The following USP9X variants were observed in gnomAD, a reference collection of about 807,000 sequenced individuals.
USP9X encodes the protein ubiquitin carboxyl-terminal hydrolase 9X.
A neutral mutation model predicts 190.3 loss-of-function variants in USP9X; 7 were observed. That is an observed-to-expected ratio of 0.04 (90% CI 0.02 to 0.07). The LOEUF is 0.07. USP9X is among the 10% of genes least tolerant of loss of function. USP9X has a pLI of 1.00. For synonymous variants in USP9X, 645 were observed against 659.5 expected (o/e 0.98, Z 0.34); for missense variants, 1,010 against 1,916.9 (o/e 0.53, Z 8.83).
chrX:41,112,369 A>T (rs1401182788), intron 1 of USP9X, among the ~76,000 whole-genome samples: 1 of 112,302 alleles, frequency 8.9e-6, no homozygotes. Flanking sequence ...TTCATGGTAT[A>T]GTTGGAAGAG....
At chrX:41,205,887 C>CTT (rs751427663) in intron 32 of USP9X, among the ~76,000 whole-genome samples, 936 of 87,027 alleles carry the variant, frequency 0.011, 30 homozygotes, top group Admixed American at 0.057. Flanking sequence ...TTTTCTTTTT[C>CTT]TTTTTTTCTT....
chrX:41,125,898 C>T (rs753370872), intron 2 of USP9X, among the ~76,000 whole-genome samples: 9 of 110,863 alleles, frequency 8.1e-5, no homozygotes, highest in Non-Finnish European at 1.3e-4. Flanking sequence ...TTAAAACTTA[C>T]GATGTACAGC....
intron 31 of USP9X, among the ~76,000 whole-genome samples, chrX:41,203,803 T>C (rs2063064831): frequency 9.0e-6 from 1 of 111,213 alleles, no homozygotes; most frequent in Non-Finnish European, 1.9e-5. Context: ...GTTCAAGCGA[T>C]TCTCCTGCCT....
intron 32 of USP9X, among the ~76,000 whole-genome samples, chrX:41,209,218 T>C (rs1159299092): frequency 3.6e-5 from 4 of 112,019 alleles, no homozygotes; most frequent in African/African-American, 9.7e-5. Context: ...TTATAACTTA[T>C]CTCTCTATCC....
intron 14 of USP9X, among the ~76,000 whole-genome samples, chrX:41,156,385 G>T (rs776300207): frequency 1.8e-5 from 2 of 111,779 alleles, no homozygotes; most frequent in Admixed American, 9.5e-5. Flanking sequence ...GGTGGTGTGG[G>T]CTACTGGCAT....
chrX:41,162,025 C>T (rs6610519), intron 14 of USP9X, among the ~76,000 whole-genome samples: 110 of 111,146 alleles, frequency 9.9e-4, no homozygotes, highest in African/African-American at 3.4e-3. Flanking sequence ...GTAGTTTGGT[C>T]GTAATATATG....
At chrX:41,092,724 A>C (rs1050426701) in intron 1 of USP9X, among the ~76,000 whole-genome samples, 13 of 111,272 alleles carry the variant, frequency 1.2e-4, no homozygotes, top group African/African-American at 3.9e-4. Context: ...GTAATACAGT[A>C]TTTTGCTTTA....
chrX:41,229,140 T>A, intron 41 of USP9X, 113 bp from the exon 42 acceptor site: 2 of 514,929 alleles, frequency 3.9e-6, no homozygotes, highest in Non-Finnish European at 6.0e-6. Context: ...ACCTATTGTC[T>A]AATGTTAGAT....
At chrX:41,212,922 A>G (rs1287837609) in intron 33 of USP9X, among the ~76,000 whole-genome samples, 1 of 112,052 alleles carries the variant, frequency 8.9e-6, no homozygotes, top group African/African-American at 3.2e-5. Flanking sequence ...AAGGCCTTTT[A>G]TATTAGGTGA....
In USP9X at chrX:41,197,352, C is replaced by CCCCGGGG; in HGVS notation, c.4234-12_4234-11insCCCGGGG. 1.0e-6 allele frequency: 1 copy of CCCCGGGG among 988,197 alleles called. No homozygotes were observed. Among genetic ancestry groups the CCCCGGGG allele is most frequent in the Non-Finnish European group, 1.3e-6 (1 of 759,366 alleles). The allele number at this position is 988,197 out of a possible 1,213,427, so 81.4% of individuals were successfully genotyped here. On this transcript the variant is annotated splice_polypyrimidine_tract_variant and intron_variant, in intron 28 of 44. Transcript: ENST00000378308. ...TTCTTCCCCCCCCCACCCCACCCCC[C>CCCCGGGG]GCCTTTGGCAGGATGATGTTAAAAG...
chrX:41,177,827 T>C (rs775029107), intron 21 of USP9X, among the ~76,000 whole-genome samples: 143 of 111,090 alleles, frequency 1.3e-3, no homozygotes, highest in African/African-American at 4.5e-3. Context: ...ATTTTATTCA[T>C]TGGGTTATAA....
At chrX:41,133,597 A>G (rs923640138) in intron 4 of USP9X, among the ~76,000 whole-genome samples, 1 of 111,708 alleles carries the variant, frequency 9.0e-6, no homozygotes, top group South Asian at 3.7e-4. Context: ...GTCTTATTCT[A>G]ATTTTTGTAC....
chrX:41,101,108 A>G (rs910564860), intron 1 of USP9X, among the ~76,000 whole-genome samples: 2 of 111,858 alleles, frequency 1.8e-5, no homozygotes, highest in South Asian at 7.3e-4. Context: ...CGTCTTTTAT[A>G]TACTATATTT....
chrX:41,150,164 C>A (rs199732750), intron 12 of USP9X, among the ~76,000 whole-genome samples: 1,179 of 105,234 alleles, frequency 0.011, 7 homozygotes, highest in Middle Eastern at 0.024. Flanking sequence ...AAAAAAAAAA[C>A]AAAAAACTCC....
At chrX:41,096,574 C>T (rs1053480637) in intron 1 of USP9X, among the ~76,000 whole-genome samples, 8 of 111,477 alleles carry the variant, frequency 7.2e-5, no homozygotes, top group Non-Finnish European at 1.3e-4. Flanking sequence ...TCTCAAGTAG[C>T]TTAGGATTAC....
intron 1 of USP9X, among the ~76,000 whole-genome samples, chrX:41,107,378 A>G (rs1052008428): frequency 2.7e-5 from 3 of 112,126 alleles, no homozygotes; most frequent in African/African-American, 9.7e-5. Context: ...CTGGCCTTCA[A>G]GTTTTCTGGT....
chrX:41,210,793 AAT>A, intron 33 of USP9X, 111 bp downstream of exon 33: 3 of 762,238 alleles, frequency 3.9e-6, no homozygotes, highest in South Asian at 5.9e-5. Flanking sequence ...CTGATTACTA[AAT>A]ACCTGAAACA....
intron 1 of USP9X, among the ~76,000 whole-genome samples, chrX:41,119,171 T>C (rs993418395): frequency 4.5e-5 from 5 of 111,236 alleles, no homozygotes; most frequent in Non-Finnish European, 9.4e-5. Flanking sequence ...AGTTTTAGTT[T>C]TAGTAGCTTT....
chrX:41,231,514 G>A (rs1215337724), intron 44 of USP9X, among the ~76,000 whole-genome samples: 1 of 110,798 alleles, frequency 9.0e-6, no homozygotes, highest in African/African-American at 3.3e-5. Context: ...GATCACCTGA[G>A]GTCAGGAGTT....
Sources: allele counts gnomAD v4.1 joint callset (sites outside exome capture counted in the v4.1 genomes callset), GRCh38; gene constraint gnomAD v4.1.1; transcripts MANE v1.5; gene names NCBI Gene and HGNC (gene_info 2026-07-23, HGNC 2026-07-21).